The following SOS1 variants were observed in gnomAD, a reference collection of about 807,000 sequenced individuals.
SOS1 encodes son of sevenless homolog 1.
SOS1 carries 25 observed loss-of-function variants against 157.6 expected under a neutral mutation model. That is an observed-to-expected ratio of 0.16 (90% CI 0.12 to 0.22). The LOEUF (loss-of-function observed/expected upper bound fraction) is 0.22, where lower values mean the gene tolerates loss of function less well. Among genes scored for constraint, SOS1 ranks in the 10% least tolerant of loss-of-function variants. The probability of loss-of-function intolerance (pLI) is 1.00; values close to 1 mark genes in which losing one functional copy is unlikely to be tolerated. For missense variants in SOS1, 1,237 were observed against 1,599.1 expected (o/e 0.77, Z 3.86); for synonymous variants, 528 against 534.0 (o/e 0.99, Z 0.16).
chr2:38,995,294 C>G lies in SOS1; in HGVS notation c.3175G>C (p.Glu1059Gln), dbSNP rs1042497347. Residue 1059 changes from glutamate (E) to glutamine (Q), a missense_variant, in exon 20 of 23, where the codon GAG (glutamate) becomes CAG (glutamine). Transcript: ENST00000402219. ...TMRHPTPLQQ[E>Q]PRKISYSRIP... ...CTACTATAACTAATTTTCCTTGGCT[C>G]CTGCTGCAGAGGTGTGGGATGCCTC... is the stretch of plus-strand genomic sequence containing the variant. The G allele has an allele frequency of 1.2e-6, 2 of 1,613,956 alleles. No homozygotes were observed. Among genetic ancestry groups the G allele is most frequent in the Non-Finnish European group, 1.7e-6 (2 of 1,179,944 alleles).
intron 1 of SOS1, among the ~76,000 whole-genome samples, chr2:39,115,312 T>C (rs6544200): frequency 6.6e-6 from 1 of 151,988 alleles, no homozygotes; most frequent in African/African-American, 2.4e-5. Context: ...TAGACTCATA[T>C]AGTATATACT....
intron 19 of SOS1, 106 bp downstream of exon 19, chr2:38,996,816 T>C (rs1277151332): frequency 2.7e-6 from 2 of 732,088 alleles, no homozygotes; most frequent in South Asian, 1.6e-5. Flanking sequence ...ACTTTTTCAT[T>C]ACTTTTAACT....
chr2:39,012,517 C>T (rs1669500717), intron 13 of SOS1, among the ~76,000 whole-genome samples, 169 bp from the exon 14 acceptor site: 1 of 152,058 alleles, frequency 6.6e-6, no homozygotes, highest in Non-Finnish European at 1.5e-5. Flanking sequence ...TCCCGGTCCC[C>T]AATCCTAATC....
intron 1 of SOS1, among the ~76,000 whole-genome samples, chr2:39,105,269 T>C (rs1673125561): frequency 6.6e-6 from 1 of 151,048 alleles, no homozygotes; most frequent in African/African-American, 2.4e-5. Flanking sequence ...TTGTTTTTCA[T>C]TTTTTTTTAA....
At chr2:39,054,520 A>C in intron 5 of SOS1, 94 bp downstream of exon 5, 1 of 731,572 alleles carries the variant, frequency 1.4e-6, no homozygotes, top group Non-Finnish European at 2.4e-6. Flanking sequence ...AAATTAACAA[A>C]TTAGTAATGA....
At chr2:39,030,985 G>T (rs763844362) in intron 8 of SOS1, among the ~76,000 whole-genome samples, 1 of 152,102 alleles carries the variant, frequency 6.6e-6, no homozygotes, top group African/African-American at 2.4e-5. Context: ...ACCAAGAATC[G>T]CTGGGGTCCA....
intron 2 of SOS1, among the ~76,000 whole-genome samples, chr2:39,063,002 T>C (rs527600246): frequency 6.6e-6 from 1 of 152,324 alleles, no homozygotes; most frequent in East Asian, 1.9e-4. Context: ...TATAATACAG[T>C]TGGCCTTCCA....
chr2:39,073,587 T>C (rs1057480646), intron 1 of SOS1, among the ~76,000 whole-genome samples: 20 of 152,356 alleles, frequency 1.3e-4, no homozygotes, highest in African/African-American at 4.1e-4. Flanking sequence ...CTTGATTCTA[T>C]CTTGACAGTT....
At chr2:39,103,731 G>A (rs1397746596) in intron 1 of SOS1, among the ~76,000 whole-genome samples, 1 of 152,076 alleles carries the variant, frequency 6.6e-6, no homozygotes, top group African/African-American at 2.4e-5. Context: ...CCTTGGATTT[G>A]GCAATGAATT....
At chr2:38,998,109 C>G (rs192786301) in intron 17 of SOS1, among the ~76,000 whole-genome samples, 215 of 152,336 alleles carry the variant, frequency 1.4e-3, no homozygotes, top group African/African-American at 5.0e-3. Flanking sequence ...TAATTGATTT[C>G]CTGTTTCCCC....
At chr2:39,084,729 C>T (rs1389952468) in intron 1 of SOS1, among the ~76,000 whole-genome samples, 1 of 152,162 alleles carries the variant, frequency 6.6e-6, no homozygotes, top group Non-Finnish European at 1.5e-5. Flanking sequence ...TAACTATACA[C>T]ATCAAATTCC....
At chr2:39,122,426 G>C (rs757236744), upstream of SOS1, among the ~76,000 whole-genome samples, 4 of 138,720 alleles carry the variant, frequency 2.9e-5, no homozygotes, top group Non-Finnish European at 6.1e-5. Flanking sequence ...CCAAAACTCC[G>C]TTTCAATTCA....
At chr2:39,107,437 G>C (rs560975978) in intron 1 of SOS1, among the ~76,000 whole-genome samples, 1 of 152,082 alleles carries the variant, frequency 6.6e-6, no homozygotes, top group Non-Finnish European at 1.5e-5. Context: ...TTGCACTACA[G>C]TCTAAGACAC....
chr2:39,073,069 C>G (rs979258929), intron 1 of SOS1, among the ~76,000 whole-genome samples: 2 of 152,180 alleles, frequency 1.3e-5, no homozygotes, highest in African/African-American at 2.4e-5. Flanking sequence ...CACTTCTATT[C>G]CATGAGATAG....
chr2:38,996,380 G>A (rs543002558), intron 19 of SOS1, among the ~76,000 whole-genome samples: 72 of 152,276 alleles, frequency 4.7e-4, no homozygotes, highest in Middle Eastern at 3.4e-3. Context: ...ACGAGCCACC[G>A]CACCTGGCAG....
At chr2:39,035,736 A>G in intron 6 of SOS1, among the ~76,000 whole-genome samples, 1 of 152,222 alleles carries the variant, frequency 6.6e-6, no homozygotes, top group Non-Finnish European at 1.5e-5. Flanking sequence ...AACAGCTCTC[A>G]TTAAAGGTTT....
chr2:39,048,530 A>T (rs761201615), intron 6 of SOS1, among the ~76,000 whole-genome samples: 8 of 151,850 alleles, frequency 5.3e-5, no homozygotes, highest in Non-Finnish European at 1.2e-4. Context: ...TCTCCTGAGT[A>T]GCTGGGATTA....
chr2:39,103,109 G>A (rs1673034580), intron 1 of SOS1, among the ~76,000 whole-genome samples: 2 of 152,042 alleles, frequency 1.3e-5, no homozygotes, highest in Admixed American at 6.6e-5. Flanking sequence ...TTTAACCAAG[G>A]AGGTGAGTTT....
At position 38,999,215 on chromosome 2, in the gene SOS1, T is replaced by C. The variant is rs1200571215; in HGVS notation, c.2792-1790A>G. On this transcript the variant is annotated intron_variant, in intron 17 of 22. Transcript: ENST00000402219. ...TGTGTATAAAGGCATTGATTCATGA[T>C]GATGAAGCTTGCTTGAAAGGCATAC... Among the ~76,000 whole-genome samples, 2 of 152,184 alleles carry C rather than the reference T, an allele frequency of 1.3e-5. 1 individual carries two copies. The highest frequency in any genetic ancestry group is 2.9e-5 in the Non-Finnish European group (2 of 68,018).
Sources: gnomAD v4.1 joint callset for allele counts (sites outside exome capture counted in the v4.1 genomes callset) on GRCh38, gnomAD v4.1.1 for gene constraint, MANE v1.5 for transcripts, NCBI Gene and HGNC (gene_info 2026-07-23, HGNC 2026-07-21) for gene names.